Variants in ADGRB2 observed in about 807,000 individuals in gnomAD.
ADGRB2 encodes the protein brain-specific angiogenesis inhibitor 2.
In ADGRB2, 47 loss-of-function variants were observed where a neutral mutation model predicts 178.7. The observed-to-expected ratio is 0.26, with a 90% CI of 0.21 to 0.34. The LOEUF (loss-of-function observed/expected upper bound fraction) is 0.34. ADGRB2 is among the 10% of genes least tolerant of loss of function. The pLI is 1.00. For synonymous variants in ADGRB2, 870 were observed against 912.4 expected, an observed-to-expected ratio of 0.95 and a Z score of 0.84; for missense variants, 1,584 against 2,180.8, an observed-to-expected ratio of 0.73 and a Z score of 5.45.
Position 31,741,237 on chromosome 1 carries a change from G to A in ADGRB2, c.1794+136C>T, listed in dbSNP as rs111832377. 4.9e-3 allele frequency: 4,237 copies of A among 864,422 alleles called. 31 individuals carry two copies. Among genetic ancestry groups the A allele is most frequent in the East Asian group, 0.021 (780 of 37,116 alleles). The allele number at this position is 864,422 out of a possible 1,614,324, so 53.5% of individuals were successfully genotyped here. Reference sequence around the variant, plus strand: ...TATGAGTAGGAGCTTGCCAGACAAGGAGAGGCACAGCCAGGCAGAAGTGGG... The same window carrying A: ...TATGAGTAGGAGCTTGCCAGACAAGAAGAGGCACAGCCAGGCAGAAGTGGG... On this transcript the variant is annotated intron_variant, in intron 11 of 32. Coordinates refer to ENST00000373658, the MANE Select transcript of ADGRB2 (RefSeq NM_001364857.2). This position sits in a 1 kb window ranked among gnomAD's most constrained non-coding sequence, Gnocchi z 6.5.
At chr1:31,762,907 C>A (rs957049939) in intron 1 of ADGRB2, among the ~76,000 whole-genome samples, 1 of 152,338 alleles carries the variant, frequency 6.6e-6, no homozygotes, top group South Asian at 2.1e-4. Flanking sequence ...GCCCCTCCCC[C>A]CGGCGGGCAA....
At chr1:31,763,812 G>A (rs1647121563) in intron 1 of ADGRB2, 72 bp downstream of exon 1, 5 of 985,160 alleles carry the variant, frequency 5.1e-6, no homozygotes, top group Admixed American at 6.1e-5. Context: ...GTCCGGGCCG[G>A]TGCGGAAACT....
At position 31,756,262 on chromosome 1, in the gene ADGRB2, T is replaced by C; in HGVS notation, c.575A>G (p.Asn192Ser). ...FVEVLLINNNNSSQFTCGVLC... is the reference protein window; with the variant it reads ...FVEVLLINNNSSSQFTCGVLC... Reference sequence around the variant, plus strand: ...CACACCACAGGTGAATTGGCTAGAGTTGTTGTTGTTGATGAGCAAGACCTC... The same window carrying C: ...CACACCACAGGTGAATTGGCTAGAGCTGTTGTTGTTGATGAGCAAGACCTC... The change falls in exon 4 of 33, where the codon AAC (asparagine) becomes AGC (serine). Residue 192 changes from asparagine to serine, a missense_variant. Transcript: ENST00000373658. The surrounding 1 kb of genome is among the most constrained non-coding windows in gnomAD (Gnocchi z 8.5). 6.2e-7 allele frequency: 1 copy of C among 1,613,036 alleles called. No individual in the cohort carries two copies. The highest frequency in any genetic ancestry group is 8.5e-7 in the Non-Finnish European group (1 of 1,179,876).
rs1312263815 is a variant in ADGRB2 at position 31,758,658 on chromosome 1, C to G, written c.-190-1147G>C. ...CAAGCATCTTCCCCTCCCAGCCATA[C>G]AGGGGCTGGGGGAGATGGTGGAGTA... is the stretch of plus-strand genomic sequence containing the variant. On this transcript the variant is annotated intron_variant, in intron 1 of 32. Transcript: ENST00000373658. This position sits in a 1 kb window ranked among gnomAD's most constrained non-coding sequence, Gnocchi z 4.2. The G allele has an allele frequency of 6.4e-6, 1 of 155,258 alleles. No homozygotes were observed. The highest frequency in any genetic ancestry group is 1.5e-5 in the Non-Finnish European group (1 of 68,582). The allele number at this position is 155,258 out of a possible 1,614,324, so 9.6% of individuals were successfully genotyped here.
At position 31,744,174 on chromosome 1, in the gene ADGRB2, G is replaced by C; in HGVS notation, c.1087+19C>G. On this transcript the variant is annotated intron_variant, in intron 6 of 32. Transcript: ENST00000373658. This position sits in a 1 kb window ranked among gnomAD's most constrained non-coding sequence, Gnocchi z 6.7. ...CCTAACCCTGCAGGCAGGTGGGGTG[G>C]GGAGGAGGATGGGCCTACCTGGGCA... 6.6e-7 allele frequency: 1 copy of C among 1,509,694 alleles called. No homozygotes were observed. Among genetic ancestry groups the C allele is most frequent in the Non-Finnish European group, 8.9e-7 (1 of 1,123,336 alleles). 93.5% of individuals were successfully genotyped at this position (1,509,694 alleles called of 1,614,324 possible). A position where few individuals can be genotyped will look rare whatever the true frequency, so the allele number is the denominator to read the frequency against.
intron 4 of ADGRB2, among the ~76,000 whole-genome samples, chr1:31,746,991 A>G (rs4949470): frequency 1 from 152,097 of 152,264 alleles, 75,966 homozygotes; most frequent in Middle Eastern, 1. Flanking sequence ...TGGCTCAAAT[A>G]TCACCTCCCC....
At chr1:31,739,235 G>T in intron 15 of ADGRB2, 73 bp downstream of exon 15, 1 of 1,378,486 alleles carries the variant, frequency 7.3e-7, no homozygotes, top group Non-Finnish European at 9.6e-7. Flanking sequence ...GCCAGCACTG[G>T]CTCAGTCCTC....
chr1:31,757,108 A>C, intron 3 of ADGRB2, 93 bp downstream of exon 3: 1 of 1,593,088 alleles, frequency 6.3e-7, no homozygotes, highest in Non-Finnish European at 8.6e-7. Flanking sequence ...CTGAAGAAAC[A>C]GTAGTTGTTG....
Position 31,761,172 on chromosome 1 carries a change from TGAG to T in ADGRB2, c.-191+2709_-191+2711del, listed in dbSNP as rs1647032325. 6.6e-6 allele frequency: 1 copy of T among 152,348 alleles called. No individual in the cohort carries two copies. The highest frequency in any genetic ancestry group is 1.5e-5 in the Non-Finnish European group (1 of 68,162). The allele number at this position is 152,348 out of a possible 1,614,324, so 9.4% of individuals were successfully genotyped here. A position where few individuals can be genotyped will look rare whatever the true frequency, so the allele number is the denominator to read the frequency against. ...CAGGGCTGCCGGGGCAGGCGGGTGA[TGAG>T]GAGGCTGCCACTCCCCGGTGGGACC... On this transcript the variant is annotated intron_variant, in intron 1 of 32. Transcript: ENST00000373658. The surrounding 1 kb of genome is among the most constrained non-coding windows in gnomAD (Gnocchi z 4.2).
At chr1:31,752,089 G>A (rs947368413) in intron 4 of ADGRB2, among the ~76,000 whole-genome samples, 3 of 152,122 alleles carry the variant, frequency 2.0e-5, no homozygotes, top group African/African-American at 7.2e-5. Flanking sequence ...CGGACTGGGC[G>A]ACTTCAGTCT....
At chr1:31,737,907 G>T in intron 18 of ADGRB2, 152 bp from the exon 19 acceptor site, 1 of 792,816 alleles carries the variant, frequency 1.3e-6, no homozygotes, top group Non-Finnish European at 2.0e-6. Flanking sequence ...GAACAGACCC[G>T]GGTATCTATG....
chr1:31,731,047 G>A lies in ADGRB2; in HGVS notation c.4133C>T (p.Pro1378Leu), dbSNP rs770816146. Reference sequence around the variant, plus strand: ...GGCAGCTCGCCGGGGGGTCCCCTCCGGCCGGGCCCTGGGGGCATCCTCACC... The same window carrying A: ...GGCAGCTCGCCGGGGGGTCCCCTCCAGCCGGGCCCTGGGGGCATCCTCACC... Reference protein sequence around the residue: ...GGGEDAPRARPEGTPRRAAKT... With the variant: ...GGGEDAPRARLEGTPRRAAKT... Residue 1378 changes from proline to leucine, a missense_variant, in exon 29 of 33, where the codon CCG (proline) becomes CTG (leucine). By Grantham distance (98) the Pro-to-Leu change is moderately conservative. Transcript: ENST00000373658. The A allele has an allele frequency of 2.6e-5, 42 of 1,585,626 alleles. No individual in the cohort carries two copies. The highest frequency in any genetic ancestry group is 5.3e-5 in the Admixed American group (3 of 56,824).
In ADGRB2 at chr1:31,735,977, T is replaced by G; in HGVS notation, c.3201-84A>C. On this transcript the variant is annotated intron_variant, in intron 22 of 32. Transcript: ENST00000373658. This position sits in a 1 kb window ranked among gnomAD's most constrained non-coding sequence, Gnocchi z 6.0. ...ACACCATCCCTCAGTCCTCCCAGGC[T>G]GCCATGCCCGCATCACCAGTGCAGT... 7.2e-7 allele frequency: 1 copy of G among 1,384,556 alleles called. No individual in the cohort carries two copies. Among genetic ancestry groups the G allele is most frequent in the Non-Finnish European group, 9.8e-7 (1 of 1,017,876 alleles). 85.8% of individuals were successfully genotyped at this position (1,384,556 alleles called of 1,614,324 possible).
At chr1:31,757,995 G>C (rs1210542412) in intron 1 of ADGRB2, among the ~76,000 whole-genome samples, 1 of 152,156 alleles carries the variant, frequency 6.6e-6, no homozygotes, top group Non-Finnish European at 1.5e-5. Flanking sequence ...AGGATGGGGG[G>C]AGCTGCAGGT....
At position 31,740,753 on chromosome 1, in the gene ADGRB2, C is replaced by CT. The variant is rs1289319268; in HGVS notation, c.1795-213dup. The stretch of plus-strand genomic sequence containing the variant: ...ATCCCAAAGGGTACTTTAAAAAAGA[C>CT]TGAAATAGAAACACCTAGAGAAAAA... On this transcript the variant is annotated intron_variant, in intron 11 of 32. Transcript: ENST00000373658. The surrounding 1 kb of genome is among the most constrained non-coding windows in gnomAD (Gnocchi z 5.9). 6.6e-6 allele frequency among the ~76,000 whole-genome samples: 1 copy of CT among 151,988 alleles called. No homozygotes were observed. Among genetic ancestry groups the CT allele is most frequent in the Non-Finnish European group, 1.5e-5 (1 of 68,000 alleles).
chr1:31,739,240 GTCCTCCTTCCCTTACCTGGGCCTTCC>G, intron 15 of ADGRB2, 42 bp downstream of exon 15: 1 of 1,403,954 alleles, frequency 7.1e-7, no homozygotes, highest in Non-Finnish European at 9.4e-7. Flanking sequence ...CACTGGCTCA[GTCCTCCTTCCCTTACCTGGGCCTTCC>G]TGGACCCTCA....
In ADGRB2 at chr1:31,733,927, G is replaced by A. The variant is rs1201347975; in HGVS notation, c.3453-784C>T. Among the ~76,000 whole-genome samples the A allele has an allele frequency of 2.0e-5, 3 of 152,340 alleles. No homozygotes were observed. In the South Asian group the frequency reaches 6.2e-4, roughly 32 times the overall value. On this transcript the variant is annotated intron_variant, in intron 25 of 32. Coordinates refer to ENST00000373658, the MANE Select transcript of ADGRB2 (RefSeq NM_001364857.2). This position sits in a 1 kb window ranked among gnomAD's most constrained non-coding sequence, Gnocchi z 4.3. ...ACAGCCAGGCCACCATACCCTCCCG[G>A]GCCAGGTGCCACACTCAGCCCACTC...
rs1469600892 is a variant in ADGRB2 at position 31,753,997 on chromosome 1, T to C, written c.838+2002A>G. 6.6e-6 allele frequency among the ~76,000 whole-genome samples: 1 copy of C among 152,046 alleles called. No individual in the cohort carries two copies. The highest frequency in any genetic ancestry group is 2.4e-5 in the African/African-American group (1 of 41,394). ...AGCAACCCCAAGGAAACATGCCAAG[T>C]AGGACAAGGGGCAAGAGCAGAGGTC... On this transcript the variant is annotated intron_variant, in intron 4 of 32. Coordinates refer to ENST00000373658, the MANE Select transcript of ADGRB2 (RefSeq NM_001364857.2). The surrounding 1 kb of genome is among the most constrained non-coding windows in gnomAD (Gnocchi z 4.1).
rs1314251144 is a variant in ADGRB2 at position 31,739,639 on chromosome 1, C to T, written c.2168-4G>A. On this transcript the variant is annotated splice_region_variant and splice_polypyrimidine_tract_variant and intron_variant, in intron 14 of 32. Coordinates refer to ENST00000373658, the MANE Select transcript of ADGRB2 (RefSeq NM_001364857.2). ...GGCTCTCGCTGAATGCTGATCACTG[C>T]AGTGGGAGGAGGGTGGACAGAGACA... 1 of 1,573,616 alleles carries T rather than the reference C, an allele frequency of 6.4e-7. No individual in the cohort carries two copies. Among genetic ancestry groups the T allele is most frequent in the Middle Eastern group, 1.7e-4 (1 of 5,882 alleles).
Sources: allele counts gnomAD v4.1 joint callset (sites outside exome capture counted in the v4.1 genomes callset), GRCh38; gene constraint gnomAD v4.1.1; non-coding constraint Gnocchi (gnomAD v3.1); transcripts MANE v1.5; gene names NCBI Gene and HGNC (gene_info 2026-07-23, HGNC 2026-07-21).